DAB1: variants seen among roughly 807,000 people sequenced by gnomAD.
DAB1 encodes DAB adaptor protein 1, also known as disabled homolog 1.
DAB1 carries 15 observed loss-of-function variants against 64.6 expected under a neutral mutation model. That is an observed-to-expected ratio of 0.23 (90% CI 0.16 to 0.36). DAB1 has a LOEUF of 0.36. Ranked by LOEUF, DAB1 falls within the 10% of genes least tolerant of loss-of-function variation. The probability of loss-of-function intolerance (pLI) is 1.00; values close to 1 mark genes in which losing one functional copy is unlikely to be tolerated. For synonymous variants in DAB1, 235 were observed against 251.9 expected, an observed-to-expected ratio of 0.93 and a Z score of 0.64; for missense variants, 596 against 706.7, an observed-to-expected ratio of 0.84 and a Z score of 1.78.
chr1:57,175,724 C>T (rs1408759319), intron 2 of DAB1, among the ~76,000 whole-genome samples: 7 of 152,112 alleles, frequency 4.6e-5, no homozygotes, highest in Non-Finnish European at 7.4e-5. Context: ...GTACAAATTC[C>T]AGATGATTCA....
At position 58,489,102 on chromosome 1, in the gene DAB1, A is replaced by G. The variant is rs542125382; in HGVS notation, n.257+16958T>C. Among the ~76,000 whole-genome samples, 13 of 152,320 alleles carry G rather than the reference A, an allele frequency of 8.5e-5. No individual in the cohort carries two copies. In the East Asian group the frequency reaches 2.5e-3, roughly 30 times the overall value. ...GATTGTTGGCCAGTGGGTGCAGGAC[A>G]GTCGGTGCAGCGCACCGAGCGTGAG... On this transcript the variant is annotated intron_variant and non_coding_transcript_variant, in intron 3 of 20. Coordinates refer to the DAB1 transcript ENST00000485760.
At chr1:58,133,140 G>A (rs1443011870) in intron 5 of DAB1, among the ~76,000 whole-genome samples, 1 of 152,156 alleles carries the variant, frequency 6.6e-6, no homozygotes, top group Non-Finnish European at 1.5e-5. Flanking sequence ...GGCCTAGTTT[G>A]GCACACAAGG....
chr1:58,387,762 T>G, intron 3 of DAB1, among the ~76,000 whole-genome samples: 1 of 147,434 alleles, frequency 6.8e-6, no homozygotes, highest in Non-Finnish European at 1.5e-5. Flanking sequence ...TCTCGCTCTG[T>G]GTTGCCCAGG....
chr1:57,355,101 G>A lies in DAB1; in HGVS notation c.-136-63935C>T, dbSNP rs892654028. On this transcript the variant is annotated intron_variant, in intron 1 of 14. Coordinates refer to ENST00000371236, the MANE Select transcript of DAB1 (RefSeq NM_001365792.1). ...ACAACTACACGTTCTTTTGCATGAT[G>A]CTTAAATTAATGTCTCTAAGATACA... Among the ~76,000 whole-genome samples the A allele has an allele frequency of 2.0e-5, 3 of 152,030 alleles. No homozygotes were observed. In the East Asian group the frequency reaches 5.8e-4, roughly 29 times the overall value.
At chr1:57,656,945 G>A (rs560192947) in intron 6 of DAB1, among the ~76,000 whole-genome samples, 43 of 152,160 alleles carry the variant, frequency 2.8e-4, no homozygotes, top group Non-Finnish European at 4.7e-4. Flanking sequence ...AAAGACCTTA[G>A]TATACTGACT....
intron 5 of DAB1, among the ~76,000 whole-genome samples, chr1:58,010,878 C>A (rs531861849): frequency 6.6e-6 from 1 of 152,348 alleles, no homozygotes; most frequent in African/African-American, 2.4e-5. Flanking sequence ...TCCAGGCAAC[C>A]AGTACCAACT....
At chr1:57,025,927 A>G (rs769706612) in intron 10 of DAB1, 54 bp downstream of exon 10, 13 of 1,394,060 alleles carry the variant, frequency 9.3e-6, no homozygotes, top group Non-Finnish European at 9.8e-6. Context: ...CACTGAGGGG[A>G]TGTGTAAAGA....
chr1:57,899,866 A>G (rs935320064), intron 5 of DAB1, among the ~76,000 whole-genome samples: 1 of 151,924 alleles, frequency 6.6e-6, no homozygotes, highest in African/African-American at 2.4e-5. Flanking sequence ...GTGGCTGCTC[A>G]GGAAACTCAT....
At chr1:57,292,914 G>T (rs1363303720) in intron 1 of DAB1, among the ~76,000 whole-genome samples, 1 of 152,078 alleles carries the variant, frequency 6.6e-6, no homozygotes. Flanking sequence ...TTGCTTGGAA[G>T]GGTTAATAAA....
intron 14 of DAB1, among the ~76,000 whole-genome samples, chr1:57,009,184 G>A (rs1012762920): frequency 1.3e-5 from 2 of 152,132 alleles, no homozygotes; most frequent in African/African-American, 2.4e-5. Flanking sequence ...AATTTTTCAA[G>A]GCAAGGTTGA....
At position 58,508,380 on chromosome 1, in the gene DAB1, T is replaced by C. The variant is rs76635821; in HGVS notation, n.108-2171A>G. On this transcript the variant is annotated intron_variant and non_coding_transcript_variant, in intron 2 of 20. Coordinates refer to the DAB1 transcript ENST00000485760. Reference sequence around the variant, plus strand: ...ACGCCCTAAACCCTCCTTCCCCACATGAACACACTGATTCAACGATAATAT... The same window carrying C: ...ACGCCCTAAACCCTCCTTCCCCACACGAACACACTGATTCAACGATAATAT... Among the ~76,000 whole-genome samples, 1,284 of 152,296 alleles carry C rather than the reference T, an allele frequency of 8.4e-3. 15 individuals carry two copies. The highest frequency in any genetic ancestry group is 0.029 in the African/African-American group (1,201 of 41,564).
upstream of DAB1, among the ~76,000 whole-genome samples, chr1:57,887,000 A>C (rs180754035): frequency 2.6e-5 from 4 of 152,286 alleles, no homozygotes; most frequent in Admixed American, 2.6e-4. Flanking sequence ...ATAGGTGTTC[A>C]TCACTACTTC....
chr1:57,312,985 G>A (rs1285175287), intron 1 of DAB1, among the ~76,000 whole-genome samples: 4 of 152,084 alleles, frequency 2.6e-5, no homozygotes, highest in African/African-American at 7.2e-5. Context: ...AGCCCTGGGT[G>A]GGCCTGAACA....
intron 4 of DAB1, among the ~76,000 whole-genome samples, chr1:58,193,101 GC>G (rs1298151589): frequency 6.6e-6 from 1 of 152,120 alleles, no homozygotes; most frequent in East Asian, 1.9e-4. Flanking sequence ...AATATTGGAG[GC>G]GGGGCTTAAT....
intron 1 of DAB1, among the ~76,000 whole-genome samples, chr1:57,399,726 A>G (rs149679275): frequency 6.6e-6 from 1 of 152,378 alleles, no homozygotes; most frequent in African/African-American, 2.4e-5. Flanking sequence ...TCATACAGCT[A>G]GTAAGCTACA....
intron 3 of DAB1, among the ~76,000 whole-genome samples, chr1:58,474,626 T>C (rs1470419764): frequency 1.3e-5 from 2 of 152,180 alleles, no homozygotes. Context: ...ATTGGCTCAT[T>C]GCAAAGGGAG....
At chr1:57,274,107 A>C (rs1671266073) in intron 2 of DAB1, among the ~76,000 whole-genome samples, 1 of 152,222 alleles carries the variant, frequency 6.6e-6, no homozygotes, top group Non-Finnish European at 1.5e-5. Context: ...ATGCTTTGCC[A>C]ATCTGCTCTG....
At chr1:57,700,109 T>C (rs1322604114) in intron 6 of DAB1, among the ~76,000 whole-genome samples, 1 of 152,118 alleles carries the variant, frequency 6.6e-6, no homozygotes, top group East Asian at 1.9e-4. Context: ...TCAGGTGCAA[T>C]TGGTCATCCT....
chr1:57,931,524 T>A (rs1050731333), intron 5 of DAB1, among the ~76,000 whole-genome samples: 13 of 152,218 alleles, frequency 8.5e-5, no homozygotes, highest in African/African-American at 3.1e-4. Flanking sequence ...TTCAATTTCT[T>A]TAACAAATAT....
Sources: gnomAD v4.1 joint callset for allele counts (sites outside exome capture counted in the v4.1 genomes callset) on GRCh38, gnomAD v4.1.1 for gene constraint, MANE v1.5 for transcripts, NCBI Gene and HGNC (gene_info 2026-07-23, HGNC 2026-07-21) for gene names.